Variants in NBEAL1 observed in about 807,000 individuals in gnomAD.
The protein encoded by NBEAL1 is neurobeachin like 1, also known as neurobeachin-like protein 1.
A neutral mutation model predicts 351.3 loss-of-function variants in NBEAL1; 273 were observed. The ratio of observed to expected loss-of-function variants is 0.78; its 90% CI spans 0.70 to 0.86. The LOEUF (loss-of-function observed/expected upper bound fraction) is 0.86, where lower values mean the gene tolerates loss of function less well. NBEAL1 is among the 40% of genes least tolerant of loss of function. The probability of loss-of-function intolerance (pLI) is 0.00; values close to 1 mark genes in which losing one functional copy is unlikely to be tolerated. For synonymous variants in NBEAL1, 1,050 were observed against 1,086.4 expected (o/e 0.97, Z 0.66); for missense variants, 2,961 against 3,201.3 (o/e 0.92, Z 1.81).
At chr2:203,186,777 T>C (rs777486555) in intron 44 of NBEAL1, among the ~76,000 whole-genome samples, 8 of 152,230 alleles carry the variant, frequency 5.3e-5, no homozygotes, top group African/African-American at 1.7e-4. Flanking sequence ...TTTAAAACTT[T>C]ATAGGTTTCT....
chr2:203,172,925 C>T (rs2064370544), intron 41 of NBEAL1, 72 bp downstream of exon 41: 1 of 1,402,752 alleles, frequency 7.1e-7, no homozygotes, highest in African/African-American at 1.5e-5. Flanking sequence ...TTACTATGGC[C>T]AACCAAAAAA....
intron 36 of NBEAL1, 43 bp downstream of exon 36, chr2:203,157,868 A>C (rs1048740303): frequency 1.4e-6 from 2 of 1,409,706 alleles, no homozygotes; most frequent in Admixed American, 2.6e-5. Flanking sequence ...GAGAAAGGGG[A>C]TTGCAAAATC....
Position 203,175,170 on chromosome 2 carries a change from T to A in NBEAL1, c.6347T>A (p.Met2116Lys). The A allele has an allele frequency of 6.2e-7, 1 of 1,611,732 alleles. No homozygotes were observed. ...AGATATGAAAATTTTGAGGATCCTA[T>A]GGGAACTATTGATAAGTTTCACTAT... is the stretch of plus-strand genomic sequence containing the variant. ...REKYENFEDP[M>K]GTIDKFHYGT... Residue 2116 changes from methionine to lysine, a missense_variant, in exon 42 of 56, where the codon ATG (methionine) becomes AAG (lysine). Physicochemically the swap from Met to Lys is moderately conservative, Grantham distance 95 (BLOSUM62 -1). Transcript: ENST00000683969.
Position 203,084,459 on chromosome 2 carries a change from C to G in NBEAL1, c.992-4C>G. On this transcript the variant is annotated splice_polypyrimidine_tract_variant and splice_region_variant and intron_variant, in intron 9 of 55. Transcript: ENST00000683969. ...CATGGATGATTTTCTTTTTATTTTCCTAGATACCATCACAGCCATGTTAGA... is the reference window on the plus strand; with the variant it reads ...CATGGATGATTTTCTTTTTATTTTCGTAGATACCATCACAGCCATGTTAGA... 1 of 1,413,510 alleles carries G rather than the reference C, an allele frequency of 7.1e-7. No individual in the cohort carries two copies. Among genetic ancestry groups the G allele is most frequent in the East Asian group, 2.7e-5 (1 of 36,582 alleles). 87.6% of individuals were successfully genotyped at this position (1,413,510 alleles called of 1,614,324 possible).
Position 203,068,404 on chromosome 2 carries a change from G to A in NBEAL1, c.527G>A (p.Ser176Asn). ...WRHRISGRILSTVEKSRQKYK... is the reference protein window; with the variant it reads ...WRHRISGRILNTVEKSRQKYK... The stretch of plus-strand genomic sequence containing the variant: ...CTTTTTAATGATAGACGAATCCTTA[G>A]TACTGTGGAAAAGAGCAGACAGAAA... The change falls in exon 7 of 56, where the codon AGT (serine) becomes AAT (asparagine). Residue 176 changes from serine (S) to asparagine (N), a missense_variant. Physicochemically the swap from Ser to Asn is conservative, Grantham distance 46. Coordinates refer to ENST00000683969, the MANE Select transcript of NBEAL1 (RefSeq NM_001378026.1). 4 of 1,543,544 alleles carry A rather than the reference G, an allele frequency of 2.6e-6. No individual in the cohort carries two copies. The South Asian group carries it at 4.8e-5, about 19-fold the overall frequency.
At chr2:203,172,435 C>T (rs1057295634) in intron 40 of NBEAL1, among the ~76,000 whole-genome samples, 5 of 152,038 alleles carry the variant, frequency 3.3e-5, no homozygotes, top group Middle Eastern at 6.8e-3. Context: ...GCAGGAGAAT[C>T]GCTTGAACTC....
chr2:203,131,534 A>G (rs1032951396), intron 25 of NBEAL1, among the ~76,000 whole-genome samples: 4 of 152,080 alleles, frequency 2.6e-5, no homozygotes, highest in African/African-American at 4.8e-5. Flanking sequence ...TCTTAAATCC[A>G]TTTTTACATT....
At chr2:203,050,030 G>A (rs1229698845) in intron 4 of NBEAL1, 55 bp downstream of exon 4, 1 of 1,491,888 alleles carries the variant, frequency 6.7e-7, no homozygotes, top group Non-Finnish European at 9.1e-7. Flanking sequence ...GTTGAACAAT[G>A]AGAACACATG....
chr2:203,132,181 T>A (rs2063088837), intron 26 of NBEAL1, 49 bp downstream of exon 26: 1 of 1,268,014 alleles, frequency 7.9e-7, no homozygotes, highest in East Asian at 2.7e-5. Context: ...TGTTTTTTCC[T>A]GTAAGTTTTT....
chr2:203,209,275 G>A lies in NBEAL1; in HGVS notation c.7738G>A (p.Gly2580Arg). The A allele has an allele frequency of 6.2e-7, 1 of 1,613,906 alleles. No individual in the cohort carries two copies. Among genetic ancestry groups the A allele is most frequent in the African/African-American group, 1.3e-5 (1 of 75,002 alleles). Reference protein sequence around the residue: ...TIPNLAISWEGHIVVYSSTEE... With the variant: ...TIPNLAISWERHIVVYSSTEE... ...TCCTAATTTGGCTATATCTTGGGAAGGACATATTGTTGTCTACTCCAGCAC... is the reference window on the plus strand; with the variant it reads ...TCCTAATTTGGCTATATCTTGGGAAAGACATATTGTTGTCTACTCCAGCAC... The change falls in exon 53 of 56, where the codon GGA becomes AGA. Residue 2580 changes from glycine to arginine, a missense_variant. Coordinates refer to ENST00000683969, the MANE Select transcript of NBEAL1 (RefSeq NM_001378026.1).
intron 35 of NBEAL1, among the ~76,000 whole-genome samples, chr2:203,154,175 G>GAAC (rs2063736819): frequency 6.6e-6 from 1 of 150,890 alleles, no homozygotes; most frequent in African/African-American, 2.4e-5. Context: ...GGCGGAGCTT[G>GAAC]CAGTGAGCCG....
chr2:203,143,580 A>C (rs1268579626), intron 31 of NBEAL1, among the ~76,000 whole-genome samples: 4 of 152,148 alleles, frequency 2.6e-5, no homozygotes, highest in Non-Finnish European at 1.5e-5. Context: ...AGCTTGTGTT[A>C]AGCTGGCTTC....
At chr2:203,073,086 T>C (rs955266441) in intron 7 of NBEAL1, among the ~76,000 whole-genome samples, 4 of 152,206 alleles carry the variant, frequency 2.6e-5, no homozygotes, top group Non-Finnish European at 5.9e-5. Context: ...TTGTTTTTCA[T>C]TGAGACAGAA....
chr2:203,090,352 TC>T (rs2062040162), intron 10 of NBEAL1, among the ~76,000 whole-genome samples: 1 of 152,182 alleles, frequency 6.6e-6, no homozygotes, highest in African/African-American at 2.4e-5. Flanking sequence ...CCTTTCACCT[TC>T]CTACCTTTTG....
intron 3 of NBEAL1, among the ~76,000 whole-genome samples, chr2:203,044,480 G>A (rs935606344): frequency 1.3e-5 from 2 of 152,104 alleles, no homozygotes; most frequent in African/African-American, 2.4e-5. Context: ...AGGTGCAGTT[G>A]TTATCATCCA....
At chr2:203,113,781 T>C (rs756501932) in intron 17 of NBEAL1, among the ~76,000 whole-genome samples, 2 of 151,770 alleles carry the variant, frequency 1.3e-5, no homozygotes, top group Non-Finnish European at 2.9e-5. Context: ...GTCTTTTCTC[T>C]GTGTGCATAT....
At chr2:203,199,298 A>G (rs1024296944) in intron 48 of NBEAL1, 40 bp from the exon 49 acceptor site, 3 of 1,175,338 alleles carry the variant, frequency 2.6e-6, no homozygotes, top group Admixed American at 3.6e-5. Context: ...GCTTTCCTTA[A>G]TATTTCATTT....
At chr2:203,070,674 C>G (rs1181288163) in intron 7 of NBEAL1, among the ~76,000 whole-genome samples, 1 of 152,186 alleles carries the variant, frequency 6.6e-6, no homozygotes, top group Non-Finnish European at 1.5e-5. Flanking sequence ...GGAGCTTTTA[C>G]TTACTGCAGA....
Position 203,190,400 on chromosome 2 carries a change from A to G in NBEAL1, c.6921+11A>G. ...TGTCAATTATTAAAGGTAAGTCAAC[A>G]ACTTAAGAAGTAGATTTAAGTCAAC... On this transcript the variant is annotated intron_variant, in intron 46 of 55. Coordinates refer to ENST00000683969, the MANE Select transcript of NBEAL1 (RefSeq NM_001378026.1). 1.3e-6 allele frequency: 2 copies of G among 1,567,310 alleles called. No homozygotes were observed. Among genetic ancestry groups the G allele is most frequent in the East Asian group, 4.5e-5 (2 of 44,690 alleles).
Sources: gnomAD v4.1 joint callset for allele counts (sites outside exome capture counted in the v4.1 genomes callset) on GRCh38, gnomAD v4.1.1 for gene constraint, MANE v1.5 for transcripts, NCBI Gene and HGNC (gene_info 2026-07-23, HGNC 2026-07-21) for gene names.